The following LRRK2 variants were observed in gnomAD, a reference collection of about 807,000 sequenced individuals.
LRRK2 encodes the protein leucine rich repeat kinase 2.
A neutral mutation model predicts 302.6 loss-of-function variants in LRRK2; 203 were observed. That is an observed-to-expected ratio of 0.67 (90% confidence interval 0.60 to 0.75). LRRK2 has a LOEUF of 0.75. Among genes scored for constraint, LRRK2 ranks in the 30% least tolerant of loss-of-function variants. The pLI, the probability that LRRK2 is intolerant of heterozygous loss-of-function variation, is 0.00. For synonymous variants in LRRK2, 1,066 were observed against 1,031.9 expected, an observed-to-expected ratio of 1.03 and a Z score of -0.63; for missense variants, 2,830 against 2,951.0, an observed-to-expected ratio of 0.96 and a Z score of 0.95.
chr12:40,330,097 T>C (rs934628305), intron 39 of LRRK2, among the ~76,000 whole-genome samples: 4 of 152,210 alleles, frequency 2.6e-5, no homozygotes, highest in Non-Finnish European at 5.9e-5. Flanking sequence ...GTTAGTTTCC[T>C]CGCCCTCTTT....
chr12:40,232,956 A>T (rs571951227), intron 3 of LRRK2, among the ~76,000 whole-genome samples: 19 of 152,228 alleles, frequency 1.2e-4, no homozygotes, highest in Non-Finnish European at 2.6e-4. Context: ...TTTGCAGCAT[A>T]ATGGCTTCTT....
intron 40 of LRRK2, among the ~76,000 whole-genome samples, chr12:40,335,546 C>T (rs894277253): frequency 3.3e-5 from 5 of 152,108 alleles, no homozygotes; most frequent in Admixed American, 6.5e-5. Flanking sequence ...ATGTTGGATT[C>T]TTCGGCATGA....
At chr12:40,284,630 A>G (rs1359613075) in intron 19 of LRRK2, among the ~76,000 whole-genome samples, 2 of 152,108 alleles carry the variant, frequency 1.3e-5, no homozygotes, top group African/African-American at 2.4e-5. Context: ...TTTTCTTTAT[A>G]CTTTCAAGCT....
At position 40,251,521 on chromosome 12, in the gene LRRK2, G is replaced by A. The variant is rs1282955245; in HGVS notation, c.1158G>A (p.Glu386=). The part of the protein sequence containing the change: ...NLLMYQNSLH[E]KIGDEDGHFP... ...TTATGTACCAAAACAGTTTACATGA[G>A]AAGATTGGAGATGAAGATGGCCAGT... Residue 386 remains glutamate, a synonymous_variant, in exon 10 of 51, where the codon GAG becomes GAA. Transcript: ENST00000298910. 6.2e-7 allele frequency: 1 copy of A among 1,612,134 alleles called. No homozygotes were observed. The highest frequency in any genetic ancestry group is 1.7e-5 in the Admixed American group (1 of 59,892).
At chr12:40,241,843 C>T (rs572998688) in intron 6 of LRRK2, among the ~76,000 whole-genome samples, 8 of 152,238 alleles carry the variant, frequency 5.3e-5, no homozygotes, top group African/African-American at 1.9e-4. Flanking sequence ...TTTATAAAAT[C>T]ACAATGTTTT....
In LRRK2 at chr12:40,346,229, A is replaced by AT. The variant is rs1370164691; in HGVS notation, c.6110-518dup. Among the ~76,000 whole-genome samples the AT allele has an allele frequency of 4.0e-5, 6 of 150,756 alleles. No individual in the cohort carries two copies. The East Asian group carries it at 1.2e-3, about 29-fold the overall frequency. On this transcript the variant is annotated intron_variant, in intron 41 of 50. Coordinates refer to ENST00000298910, the MANE Select transcript of LRRK2 (RefSeq NM_198578.4). ...GTTGTTGTTTTTATTTTTATTTTTT[A>AT]TTTTTTGGGTAGAAGGAGCAGAGAG...
rs377217716 is a variant in LRRK2, at chr12:40,240,609, C to T, written c.698C>T (p.Ala233Val). ...LHVLHCLHSL[A>V]IPCNNVEVLM... ...GTGCTGCATTGTTTACATTCCCTAG[C>T]GATTCCTTGTAAGTAGCATTTAAAT... The change falls in exon 6 of 51, where the codon GCG becomes GTG. Residue 233 changes from alanine (A) to valine (V), a missense_variant. Physicochemically the swap from Ala to Val is moderately conservative, Grantham distance 64. Transcript: ENST00000298910. 18 of 1,612,812 alleles carry T rather than the reference C, an allele frequency of 1.1e-5. No individual in the cohort carries two copies. The highest frequency in any genetic ancestry group is 4.0e-5 in the African/African-American group (3 of 74,826).
chr12:40,305,468 C>G (rs1452828619), intron 27 of LRRK2, among the ~76,000 whole-genome samples: 7 of 152,084 alleles, frequency 4.6e-5, no homozygotes, highest in African/African-American at 1.4e-4. Flanking sequence ...ATAACCAAAT[C>G]CATTTTGTGG....
chr12:40,318,744 G>T (rs1048512987), intron 33 of LRRK2, among the ~76,000 whole-genome samples: 1 of 152,000 alleles, frequency 6.6e-6, no homozygotes, highest in Non-Finnish European at 1.5e-5. Flanking sequence ...GAGATGAATT[G>T]TCAAAAAAGG....
chr12:40,249,884 G>A lies in LRRK2; in HGVS notation c.897G>A (p.Val299=), dbSNP rs753750442. Residue 299 remains valine, a synonymous_variant, in exon 8 of 51, where the codon GTG becomes GTA. Coordinates refer to ENST00000298910, the MANE Select transcript of LRRK2 (RefSeq NM_198578.4). Reference sequence around the variant, plus strand: ...TCCATGAGTTTGTGGTGAAAGCTGTGCAGCAGTACCCAGAGAATGCAGCAT... The same window carrying A: ...TCCATGAGTTTGTGGTGAAAGCTGTACAGCAGTACCCAGAGAATGCAGCAT... The part of the protein sequence containing the change: ...NEVHEFVVKA[V]QQYPENAALQ... The A allele has an allele frequency of 1.1e-5, 17 of 1,613,886 alleles. No individual in the cohort carries two copies. The highest frequency in any genetic ancestry group is 1.4e-5 in the Non-Finnish European group (16 of 1,179,874).
intron 14 of LRRK2, among the ~76,000 whole-genome samples, chr12:40,270,112 G>C (rs188018084): frequency 1.3e-5 from 2 of 152,242 alleles, no homozygotes; most frequent in East Asian, 1.9e-4. Context: ...TCATGAAAAA[G>C]TGTCAGTATA....
intron 34 of LRRK2, 84 bp from the exon 35 acceptor site, chr12:40,320,950 T>C (rs1230347371): frequency 7.6e-6 from 11 of 1,446,864 alleles, no homozygotes; most frequent in Non-Finnish European, 1.1e-5. Context: ...ATTACCTTCA[T>C]TGACTTTAAG....
At chr12:40,256,702 A>G (rs1409368958) in intron 11 of LRRK2, among the ~76,000 whole-genome samples, 1 of 152,226 alleles carries the variant, frequency 6.6e-6, no homozygotes, top group African/African-American at 2.4e-5. Flanking sequence ...AAGCAGCTGA[A>G]GGCTGAAAGC....
chr12:40,315,326 C>CG, intron 33 of LRRK2, 26 bp downstream of exon 33: 1 of 1,567,780 alleles, frequency 6.4e-7, no homozygotes, highest in South Asian at 1.1e-5. Flanking sequence ...TTTTGTGGCA[C>CG]GGGGGTTATG....
Position 40,298,242 on chromosome 12 carries a change from GACT to G in LRRK2, c.3097_3099del (p.Thr1033del). The G allele has an allele frequency of 6.2e-7, 1 of 1,612,868 alleles. No homozygotes were observed. The highest frequency in any genetic ancestry group is 8.5e-7 in the Non-Finnish European group (1 of 1,179,720). Reference sequence around the variant, plus strand: ...AGAATTTTAAACTATTGTCTTTTCAGACTCTGAAGAGTTTGACACATTTGGACT... The same window carrying G: ...AGAATTTTAAACTATTGTCTTTTCAGCTGAAGAGTTTGACACATTTGGACT... On this transcript the variant is annotated inframe_deletion and splice_region_variant, in exon 24 of 51. Coordinates refer to ENST00000298910, the MANE Select transcript of LRRK2 (RefSeq NM_198578.4).
At chr12:40,296,743 A>C (rs1428128641) in intron 23 of LRRK2, among the ~76,000 whole-genome samples, 2 of 152,180 alleles carry the variant, frequency 1.3e-5, no homozygotes, top group African/African-American at 2.4e-5. Context: ...AAGTATATTT[A>C]AGGGATGTTT....
At chr12:40,324,969 T>G (rs1361860641) in intron 38 of LRRK2, among the ~76,000 whole-genome samples, 3 of 152,266 alleles carry the variant, frequency 2.0e-5, no homozygotes, top group Middle Eastern at 6.8e-3. Flanking sequence ...TTTTGAGTAG[T>G]GTATGTGGAA....
At chr12:40,226,357 C>G (rs1286734382) in intron 2 of LRRK2, among the ~76,000 whole-genome samples, 1 of 152,120 alleles carries the variant, frequency 6.6e-6, no homozygotes, top group Admixed American at 6.5e-5. Flanking sequence ...TAACTTCCTT[C>G]GGAGCACTTA....
chr12:40,293,746 G>C (rs1237033125), intron 21 of LRRK2, 83 bp downstream of exon 21: 1 of 911,116 alleles, frequency 1.1e-6, no homozygotes, highest in East Asian at 2.5e-5. Context: ...CCAAAGCTAG[G>C]AACAATTGGT....
Sources: gnomAD v4.1 joint callset for allele counts (sites outside exome capture counted in the v4.1 genomes callset) on GRCh38, gnomAD v4.1.1 for gene constraint, MANE v1.5 for transcripts, NCBI Gene and HGNC (gene_info 2026-07-23, HGNC 2026-07-21) for gene names.